The following SFMBT2 variants were observed in gnomAD, a reference collection of about 807,000 sequenced individuals.
SFMBT2 encodes the protein scm-like with four MBT domains protein 2.
A neutral mutation model predicts 110.1 loss-of-function variants in SFMBT2; 38 were observed. That is an observed-to-expected ratio of 0.35 (90% CI 0.27 to 0.45). The LOEUF is 0.45. SFMBT2 is among the 20% of genes least tolerant of loss of function. The pLI is 1.00. For synonymous variants in SFMBT2, 425 were observed against 425.4 expected, an observed-to-expected ratio of 1.00 and a Z score of 0.01; for missense variants, 1,011 against 1,094.9, an observed-to-expected ratio of 0.92 and a Z score of 1.08.
In SFMBT2 at chr10:7,171,775, A is replaced by G. The variant is rs569287058; in HGVS notation, c.2415+120T>C. On this transcript the variant is annotated intron_variant, in intron 19 of 20. Coordinates refer to ENST00000397167, the MANE Select transcript of SFMBT2 (RefSeq NM_001387889.1). This position sits in a 1 kb window ranked among gnomAD's most constrained non-coding sequence, Gnocchi z 4.9. ...TGTTCCTGACTTGGGAACTAGCTAG[A>G]GCAGCTGCTGCTGTTGGAGGTATTT... 15 of 1,123,928 alleles carry G rather than the reference A, an allele frequency of 1.3e-5. No homozygotes were observed. The African/African-American group carries it at 2.4e-4, about 18-fold the overall frequency. 69.6% of individuals were successfully genotyped at this position (1,123,928 alleles called of 1,614,324 possible).
In SFMBT2 at chr10:7,367,961, A is replaced by G. The variant is rs1844957086; in HGVS notation, c.196-72T>C. 8 of 1,548,060 alleles carry G rather than the reference A, an allele frequency of 5.2e-6. No individual in the cohort carries two copies. The South Asian group carries it at 8.7e-5, about 17-fold the overall frequency. ...ATACATCCAGAAGATGACAAAAACC[A>G]CTAAAAAATATGGCACTTACAAACA... On this transcript the variant is annotated intron_variant, in intron 3 of 20. Coordinates refer to ENST00000397167, the MANE Select transcript of SFMBT2 (RefSeq NM_001387889.1). This position sits in a 1 kb window ranked among gnomAD's most constrained non-coding sequence, Gnocchi z 6.2.
At chr10:7,299,459 G>A (rs574485542) in intron 4 of SFMBT2, among the ~76,000 whole-genome samples, 2 of 152,266 alleles carry the variant, frequency 1.3e-5, no homozygotes, top group South Asian at 2.1e-4. Context: ...AGACATTTAC[G>A]TGGCCAACAA....
At chr10:7,403,824 G>C (rs1184754521) in intron 1 of SFMBT2, among the ~76,000 whole-genome samples, 1 of 152,170 alleles carries the variant, frequency 6.6e-6, no homozygotes, top group Non-Finnish European at 1.5e-5. Flanking sequence ...TGTTTCCTCT[G>C]TAAAAGGAGG....
intron 1 of SFMBT2, among the ~76,000 whole-genome samples, chr10:7,395,428 T>A (rs1448256517): frequency 6.6e-6 from 1 of 152,276 alleles, no homozygotes; most frequent in South Asian, 2.1e-4. Flanking sequence ...CTCACAATAA[T>A]GTGCCTGGTG....
At chr10:7,307,620 G>C (rs1002375688) in intron 4 of SFMBT2, among the ~76,000 whole-genome samples, 1 of 152,186 alleles carries the variant, frequency 6.6e-6, no homozygotes, top group Non-Finnish European at 1.5e-5. Flanking sequence ...TGGTTTATCC[G>C]TATGGAGAAA....
intron 4 of SFMBT2, among the ~76,000 whole-genome samples, chr10:7,300,952 T>C (rs1032074177): frequency 6.6e-6 from 1 of 152,208 alleles, no homozygotes; most frequent in Non-Finnish European, 1.5e-5. Context: ...CTGTTTTCCT[T>C]TGTGTCGTAC....
chr10:7,355,670 G>A (rs1019333135), intron 4 of SFMBT2, among the ~76,000 whole-genome samples: 1 of 152,156 alleles, frequency 6.6e-6, no homozygotes, highest in Non-Finnish European at 1.5e-5. Context: ...AAAATTAGCT[G>A]GGCGTGGTGG....
At chr10:7,341,700 AAAAT>A (rs1234310403) in intron 4 of SFMBT2, among the ~76,000 whole-genome samples, 1 of 152,228 alleles carries the variant, frequency 6.6e-6, no homozygotes, top group Non-Finnish European at 1.5e-5. Context: ...GACACATACT[AAAAT>A]ATTTACAGAT....
At chr10:7,262,235 G>T (rs76908953) in intron 7 of SFMBT2, among the ~76,000 whole-genome samples, 9,614 of 150,564 alleles carry the variant, frequency 0.064, 411 homozygotes, top group Admixed American at 0.089. Context: ...GTTTTTTAAT[G>T]TTTTTTGGAG....
chr10:7,264,303 T>TG (rs1841315599), intron 7 of SFMBT2: 1 of 202,932 alleles, frequency 4.9e-6, no homozygotes, highest in East Asian at 1.8e-4. Flanking sequence ...GCTAGTCCTT[T>TG]ATTTACGGAT....
At chr10:7,409,598 C>T (rs1364097797) in intron 1 of SFMBT2, among the ~76,000 whole-genome samples, 1 of 152,090 alleles carries the variant, frequency 6.6e-6, no homozygotes, top group Non-Finnish European at 1.5e-5. Context: ...CTTCTCCATC[C>T]CTTTCCCCCC....
intron 2 of SFMBT2, among the ~76,000 whole-genome samples, chr10:7,376,212 G>A (rs150767493): frequency 1.3e-5 from 2 of 152,160 alleles, no homozygotes; most frequent in Non-Finnish European, 2.9e-5. Context: ...TGGAATTTCC[G>A]CACACTTCCT....
rs1421812179 is a variant in SFMBT2 at position 7,408,573 on chromosome 10, G to C, written c.-52+2288C>G. Among the ~76,000 whole-genome samples the C allele has an allele frequency of 6.0e-4, 92 of 152,292 alleles. No individual in the cohort carries two copies. The highest frequency in any genetic ancestry group is 1.0e-3 in the Non-Finnish European group (71 of 68,018). ...CTCCCACCTGCCCCCGCCAGCCCCG[G>C]GGACCGTGCGCGGCCTCCGTGTGGC... On this transcript the variant is annotated intron_variant, in intron 1 of 20. Coordinates refer to ENST00000397167, the MANE Select transcript of SFMBT2 (RefSeq NM_001387889.1). This position sits in a 1 kb window ranked among gnomAD's most constrained non-coding sequence, Gnocchi z 5.7.
At chr10:7,224,085 G>A (rs1001090727) in intron 10 of SFMBT2, among the ~76,000 whole-genome samples, 1 of 152,088 alleles carries the variant, frequency 6.6e-6, no homozygotes, top group African/African-American at 2.4e-5. Flanking sequence ...TTTCTATTGG[G>A]AATGAGGCTG....
chr10:7,203,391 A>G, intron 12 of SFMBT2: 1 of 178,056 alleles, frequency 5.6e-6, no homozygotes, highest in Middle Eastern at 3.0e-3. Context: ...AGTTTGGAAT[A>G]CTTGTCTCCC....
Position 7,172,602 on chromosome 10 carries a change from C to T in SFMBT2, c.2044G>A (p.Asp682Asn), listed in dbSNP as rs535158127. Reference protein sequence around the residue: ...SKPPIGESNPDSGHPKPARRR... With the variant: ...SKPPIGESNPNSGHPKPARRR... ...CTGGCGGGTTTGGGGTGTCCGCTGT[C>T]GGGGTTGCTTTCCCCGATGGGGGGC... Residue 682 changes from aspartate to asparagine, a missense_variant, in exon 18 of 21, where the codon GAC (aspartate) becomes AAC (asparagine). Coordinates refer to ENST00000397167, the MANE Select transcript of SFMBT2 (RefSeq NM_001387889.1). The surrounding 1 kb of genome is among the most constrained non-coding windows in gnomAD (Gnocchi z 4.6). 1.8e-5 allele frequency: 29 copies of T among 1,614,228 alleles called. No individual in the cohort carries two copies. The highest frequency in any genetic ancestry group is 2.2e-5 in the East Asian group (1 of 44,878).
At chr10:7,207,326 C>T (rs923125419) in intron 11 of SFMBT2, among the ~76,000 whole-genome samples, 2 of 149,326 alleles carry the variant, frequency 1.3e-5, no homozygotes, top group African/African-American at 2.5e-5. Flanking sequence ...CACTATTGTA[C>T]TCTGGCCTAA....
At chr10:7,198,331 CT>C (rs1296686298) in intron 14 of SFMBT2, among the ~76,000 whole-genome samples, 1 of 152,180 alleles carries the variant, frequency 6.6e-6, no homozygotes, top group Non-Finnish European at 1.5e-5. Flanking sequence ...GTTGTTTCTA[CT>C]TTTTCAGGAC....
chr10:7,318,276 A>T (rs1843073768), intron 4 of SFMBT2, among the ~76,000 whole-genome samples: 1 of 152,202 alleles, frequency 6.6e-6, no homozygotes, highest in Non-Finnish European at 1.5e-5. Flanking sequence ...TCATGCCCCT[A>T]AGAAGCCCTT....
Sources: gnomAD v4.1 joint callset for allele counts (sites outside exome capture counted in the v4.1 genomes callset) on GRCh38, gnomAD v4.1.1 for gene constraint, Gnocchi (gnomAD v3.1) non-coding constraint, MANE v1.5 for transcripts, NCBI Gene and HGNC (gene_info 2026-07-23, HGNC 2026-07-21) for gene names.